PTPRD: variants seen among roughly 807,000 people sequenced by gnomAD.
PTPRD encodes the protein protein tyrosine phosphatase receptor type D, also known as receptor-type tyrosine-protein phosphatase delta.
PTPRD carries 34 observed loss-of-function variants against 214.5 expected under a neutral mutation model. That is an observed-to-expected ratio of 0.16 (90% CI 0.12 to 0.21). The LOEUF (loss-of-function observed/expected upper bound fraction) is 0.21. Ranked by LOEUF, PTPRD falls within the 10% of genes least tolerant of loss-of-function variation. The pLI, the probability that PTPRD is intolerant of heterozygous loss-of-function variation, is 1.00. For synonymous variants in PTPRD, 1,128 were observed against 845.7 expected, an observed-to-expected ratio of 1.33 and a Z score of -5.79; for missense variants, 2,545 against 2,398.7, an observed-to-expected ratio of 1.06 and a Z score of -1.27.
chr9:10,128,356 A>G (rs2098835038), intron 3 of PTPRD, among the ~76,000 whole-genome samples: 1 of 152,184 alleles, frequency 6.6e-6, no homozygotes, highest in Non-Finnish European at 1.5e-5. Context: ...CCCTTATAAA[A>G]AGGTGACAGT....
intron 12 of PTPRD, among the ~76,000 whole-genome samples, chr9:8,642,563 C>A (rs1415466805): frequency 6.6e-6 from 1 of 152,102 alleles, no homozygotes; most frequent in African/African-American, 2.4e-5. Flanking sequence ...TCTGATCTTT[C>A]TTTCTCTGTA....
intron 4 of PTPRD, among the ~76,000 whole-genome samples, chr9:9,959,803 T>C (rs1478303813): frequency 6.6e-6 from 1 of 152,136 alleles, no homozygotes; most frequent in Non-Finnish European, 1.5e-5. Flanking sequence ...AGTGAGCTTT[T>C]TCAGATAAGC....
intron 2 of PTPRD, among the ~76,000 whole-genome samples, chr9:10,441,465 A>C (rs1371475509): frequency 6.6e-6 from 1 of 151,612 alleles, no homozygotes; most frequent in African/African-American, 2.4e-5. Flanking sequence ...CTTCCCTTTG[A>C]CACCGAATAT....
chr9:8,343,635 G>C (rs868343436), intron 39 of PTPRD, among the ~76,000 whole-genome samples: 1 of 151,788 alleles, frequency 6.6e-6, no homozygotes, highest in African/African-American at 2.4e-5. Context: ...TCAGATCCCT[G>C]GTTGCCCTCA....
At chr9:10,130,890 C>A (rs2098866760) in intron 3 of PTPRD, among the ~76,000 whole-genome samples, 1 of 152,028 alleles carries the variant, frequency 6.6e-6, no homozygotes, top group Admixed American at 6.6e-5. Flanking sequence ...CCTTCCTTTA[C>A]AAAGAAATGT....
Position 9,735,637 on chromosome 9 carries a change from T to C in PTPRD, c.-325-1066A>G, listed in dbSNP as rs183663000. Reference sequence around the variant, plus strand: ...GAAGCTATTAATATTCCTTCTCTAGTGTCTAAAATCATTTGAGAAGATCAA... The same window carrying C: ...GAAGCTATTAATATTCCTTCTCTAGCGTCTAAAATCATTTGAGAAGATCAA... On this transcript the variant is annotated intron_variant, in intron 6 of 45. Transcript: ENST00000381196. 1.1e-3 allele frequency among the ~76,000 whole-genome samples: 164 copies of C among 152,212 alleles called. 1 individual carries two copies. In the Middle Eastern group the frequency reaches 0.037, roughly 35 times the overall value.
chr9:10,133,548 A>AGGTAT (rs1554705137), intron 3 of PTPRD, among the ~76,000 whole-genome samples: 1 of 152,008 alleles, frequency 6.6e-6, no homozygotes, highest in Admixed American at 6.6e-5. Context: ...ATAACTTAAA[A>AGGTAT]GGTCTGTCTA....
intron 14 of PTPRD, among the ~76,000 whole-genome samples, chr9:8,602,496 T>C (rs933864639): frequency 6.6e-6 from 1 of 152,114 alleles, no homozygotes; most frequent in African/African-American, 2.4e-5. Context: ...GATGATGAAT[T>C]CCCTAAACGT....
At chr9:9,222,914 AC>A (rs1359753530) in intron 9 of PTPRD, among the ~76,000 whole-genome samples, 3 of 152,094 alleles carry the variant, frequency 2.0e-5, no homozygotes, top group African/African-American at 7.2e-5. Context: ...CATTTAAAAA[AC>A]AATGCAGATT....
intron 9 of PTPRD, among the ~76,000 whole-genome samples, chr9:9,189,241 G>A (rs1214672622): frequency 6.6e-6 from 1 of 151,952 alleles, no homozygotes; most frequent in Non-Finnish European, 1.5e-5. Context: ...AAAAATCATG[G>A]AATTTTATAG....
rs138074234 is a variant in PTPRD, at chr9:10,365,656, G to A, written c.-599-24639C>T. On this transcript the variant is annotated intron_variant, in intron 2 of 45. Transcript: ENST00000381196. ...TCTCATAGTTTTTAGAACATAAGAG[G>A]AGCTCAGTCAACATTTACTGAATAA... Among the ~76,000 whole-genome samples, 532 of 152,108 alleles carry A rather than the reference G, an allele frequency of 3.5e-3. 2 individuals are homozygous for A. The highest frequency in any genetic ancestry group is 0.012 in the African/African-American group (508 of 41,500).
At chr9:8,480,337 C>A (rs1454166258) in intron 30 of PTPRD, among the ~76,000 whole-genome samples, 1 of 152,132 alleles carries the variant, frequency 6.6e-6, no homozygotes, top group Non-Finnish European at 1.5e-5. Flanking sequence ...CTTAAAAAGC[C>A]TCATTTGTCA....
chr9:9,241,349 T>C (rs1418507910), intron 9 of PTPRD, among the ~76,000 whole-genome samples: 1 of 152,172 alleles, frequency 6.6e-6, no homozygotes, highest in Non-Finnish European at 1.5e-5. Context: ...GTATTCTCAT[T>C]TTTATGGCAA....
intron 5 of PTPRD, among the ~76,000 whole-genome samples, chr9:9,800,241 G>A (rs535942919): frequency 3.0e-4 from 46 of 152,234 alleles, no homozygotes; most frequent in African/African-American, 8.4e-4. Context: ...AGACTGAGGC[G>A]GAAGGATGGC....
At chr9:10,300,320 G>C (rs1362578850) in intron 3 of PTPRD, among the ~76,000 whole-genome samples, 3 of 152,094 alleles carry the variant, frequency 2.0e-5, no homozygotes, top group African/African-American at 7.2e-5. Flanking sequence ...GTTTCAAGCA[G>C]AAAACTGGGC....
chr9:10,060,367 A>C (rs576747218), intron 3 of PTPRD, among the ~76,000 whole-genome samples: 1 of 152,070 alleles, frequency 6.6e-6, no homozygotes, highest in Non-Finnish European at 1.5e-5. Context: ...TCCCATCCAC[A>C]AACTCTTTCC....
At chr9:9,159,499 A>T (rs1366379328) in intron 10 of PTPRD, among the ~76,000 whole-genome samples, 1 of 152,162 alleles carries the variant, frequency 6.6e-6, no homozygotes, top group Non-Finnish European at 1.5e-5. Flanking sequence ...AAATTTAATC[A>T]TGGAGGTGAA....
intron 8 of PTPRD, among the ~76,000 whole-genome samples, chr9:9,495,657 C>G (rs1308081970): frequency 1.3e-5 from 2 of 152,154 alleles, no homozygotes; most frequent in Non-Finnish European, 2.9e-5. Context: ...ACTCCCCTCT[C>G]TGCTGAGAGC....
chr9:9,033,586 A>G (rs1203461908), intron 10 of PTPRD, among the ~76,000 whole-genome samples: 2 of 152,170 alleles, frequency 1.3e-5, no homozygotes, highest in African/African-American at 4.8e-5. Context: ...AATACTAGAG[A>G]TAGATACTTC....
Sources: gnomAD v4.1 joint callset for allele counts (sites outside exome capture counted in the v4.1 genomes callset) on GRCh38, gnomAD v4.1.1 for gene constraint, MANE v1.5 for transcripts, NCBI Gene and HGNC (gene_info 2026-07-23, HGNC 2026-07-21) for gene names.